TUT1: variants seen among roughly 807,000 people sequenced by gnomAD.
The protein encoded by TUT1 is terminal uridylyl transferase 1, U6 snRNA-specific, also known as speckle targeted PIP5K1A-regulated poly(A) polymerase.
Under a neutral mutation model 48.8 loss-of-function variants are expected in TUT1, and 26 were observed. The ratio of observed to expected loss-of-function variants is 0.53; its 90% CI spans 0.39 to 0.74. TUT1 has a LOEUF of 0.74. TUT1 is among the 30% of genes least tolerant of loss of function. The pLI, the probability that TUT1 is intolerant of heterozygous loss-of-function variation, is 0.00. For missense variants in TUT1, 1,065 were observed against 1,114.8 expected (o/e 0.96, Z 0.64); for synonymous variants, 470 against 460.8 (o/e 1.02, Z -0.26).
At chr11:62,586,784 C>A (rs1399449892) in intron 2 of TUT1, among the ~76,000 whole-genome samples, 1 of 147,112 alleles carries the variant, frequency 6.8e-6, no homozygotes, top group Non-Finnish European at 1.5e-5. Context: ...GGTGTGGTGG[C>A]ACGCGCCTGC....
At chr11:62,578,157 AAG>A (rs1941760792) in intron 5 of TUT1, among the ~76,000 whole-genome samples, 2 of 152,228 alleles carry the variant, frequency 1.3e-5, no homozygotes, top group Admixed American at 6.5e-5. Flanking sequence ...AAGGGACAGA[AAG>A]AGGGATGGTC....
chr11:62,579,106 C>T (rs1941782663), intron 4 of TUT1, 76 bp from the exon 5 acceptor site: 13 of 1,096,980 alleles, frequency 1.2e-5, no homozygotes, highest in Non-Finnish European at 3.7e-6. Context: ...ATATTACTTC[C>T]AGCTTATTCA....
At position 62,576,980 on chromosome 11, in the gene TUT1, C is replaced by T. The variant is rs149922509; in HGVS notation, c.1308G>A (p.Leu436=). The T allele has an allele frequency of 3.3e-5, 54 of 1,614,072 alleles. No individual in the cohort carries two copies. The East Asian group carries it at 1.2e-3, about 35-fold the overall frequency. ...TGGTCTGAAGAAAATAGATCACCAG[C>T]AAGGTCAGGGCGTAGTTACTGAGAA... ...GPLLSNYALT[L]LVIYFLQTRD... The change falls in exon 7 of 9, where the codon TTG becomes TTA. Residue 436 remains leucine (L), a synonymous_variant. Coordinates refer to ENST00000476907, the MANE Select transcript of TUT1 (RefSeq NM_022830.3).
intron 1 of TUT1, 150 bp from the exon 2 acceptor site, chr11:62,589,371 C>A: frequency 3.1e-6 from 2 of 639,836 alleles, no homozygotes; most frequent in South Asian, 4.4e-5. Flanking sequence ...TCACCTTCCT[C>A]TCTTATACAT....
At chr11:62,585,117 C>T (rs1303247059) in intron 2 of TUT1, among the ~76,000 whole-genome samples, 1 of 152,068 alleles carries the variant, frequency 6.6e-6, no homozygotes, top group Non-Finnish European at 1.5e-5. Context: ...CCACCTGGCC[C>T]GGCCACACCC....
At position 62,581,549 on chromosome 11, in the gene TUT1, C is replaced by T. The variant is rs755854069; in HGVS notation, c.426G>A (p.Ala142=). 14 of 1,613,326 alleles carry T rather than the reference C, an allele frequency of 8.7e-6. No homozygotes were observed. Among genetic ancestry groups the T allele is most frequent in the Admixed American group, 1.7e-5 (1 of 59,786 alleles). The change falls in exon 3 of 9, where the codon GCG becomes GCA. Residue 142 remains alanine (A), a synonymous_variant. Coordinates refer to ENST00000476907, the MANE Select transcript of TUT1 (RefSeq NM_022830.3). ...QSPASKSPKG[A]APDSHQLAKA... is the part of the protein sequence containing the mutation. ...TGGCCAGCTGGTGACTGTCGGGGGC[C>T]GCTCCTTTGGGGGATTTGGAGGCCG...
chr11:62,581,281 G>A (rs1026942114), intron 3 of TUT1, 75 bp from the exon 4 acceptor site: 2 of 1,569,768 alleles, frequency 1.3e-6, no homozygotes, highest in South Asian at 2.3e-5. Context: ...AGAGCACAAA[G>A]ATGGAAGAGC....
rs1466767339 is a variant in TUT1 at position 62,575,298 on chromosome 11, C to T, written c.2421G>A (p.Glu807=). 6.2e-7 allele frequency: 1 copy of T among 1,614,194 alleles called. No homozygotes were observed. The highest frequency in any genetic ancestry group is 8.5e-7 in the Non-Finnish European group (1 of 1,180,020). ...CTTTCAGCTCCTGGGTGACCTGAGC[C>T]TCAGTCGCCAGCCACCCTGCTCTTG... is the stretch of plus-strand genomic sequence containing the variant. ...AGTRAGWLAT[E]AQVTQELKGL... The change falls in exon 9 of 9, where the codon GAG becomes GAA. Residue 807 remains glutamate (E), a synonymous_variant. Coordinates refer to ENST00000476907, the MANE Select transcript of TUT1 (RefSeq NM_022830.3).
At position 62,576,044 on chromosome 11, in the gene TUT1, C is replaced by A; in HGVS notation, c.1675G>T (p.Val559Leu). The A allele has an allele frequency of 6.2e-7, 1 of 1,613,834 alleles. No homozygotes were observed. Among genetic ancestry groups the A allele is most frequent in the Non-Finnish European group, 8.5e-7 (1 of 1,180,032 alleles). The change falls in exon 9 of 9, where the codon GTG (valine) becomes TTG (leucine). Residue 559 changes from valine to leucine, a missense_variant. Val to Leu is a conservative substitution (Grantham distance 32). Coordinates refer to ENST00000476907, the MANE Select transcript of TUT1 (RefSeq NM_022830.3). Reference sequence around the variant, plus strand: ...CAGCAGTTCTGTAGGCGCCCAGCCACCCGGCTGGTCACATTGGCTGCGACA... The same window carrying A: ...CAGCAGTTCTGTAGGCGCCCAGCCAACCGGCTGGTCACATTGGCTGCGACA... ...HNVAANVTSR[V>L]AGRLQNCCRA...
chr11:62,581,054 A>G, intron 4 of TUT1, 52 bp downstream of exon 4: 1 of 1,438,488 alleles, frequency 7.0e-7, no homozygotes, highest in Non-Finnish European at 9.8e-7. Flanking sequence ...CCACAGTCAC[A>G]TGGCCATTCT....
At chr11:62,587,120 A>G (rs1171094042) in intron 2 of TUT1, among the ~76,000 whole-genome samples, 1 of 151,130 alleles carries the variant, frequency 6.6e-6, no homozygotes, top group Non-Finnish European at 1.5e-5. Context: ...AAGGAAAAAG[A>G]AAAGGCATTT....
At chr11:62,586,866 A>G (rs561986277) in intron 2 of TUT1, among the ~76,000 whole-genome samples, 11 of 148,364 alleles carry the variant, frequency 7.4e-5, no homozygotes, top group East Asian at 4.4e-4. Flanking sequence ...CACCACACCC[A>G]GCTAATTTTT....
At chr11:62,576,568 A>G (rs1941731663) in intron 8 of TUT1, 89 bp downstream of exon 8, 3 of 1,164,408 alleles carry the variant, frequency 2.6e-6, no homozygotes, top group Non-Finnish European at 2.5e-6. Flanking sequence ...TTCTGTGAGA[A>G]CCATGCCTGG....
In TUT1 at chr11:62,589,244, A is replaced by T. The variant is rs779677078; in HGVS notation, c.83-23T>A. On this transcript the variant is annotated intron_variant, in intron 1 of 8. Transcript: ENST00000476907. The stretch of plus-strand genomic sequence containing the variant: ...GTCCTGCAAAGACAAGTGTGAGACA[A>T]AAACATGCAAAGCACTCTTCGACGT... The T allele has an allele frequency of 1.5e-5, 24 of 1,611,326 alleles. No individual in the cohort carries two copies. The Admixed American group carries it at 3.8e-4, about 26-fold the overall frequency.
intron 5 of TUT1, 72 bp downstream of exon 5, chr11:62,578,489 G>C: frequency 7.1e-7 from 1 of 1,405,778 alleles, no homozygotes; most frequent in Non-Finnish European, 9.6e-7. Context: ...AGGTTGCAGA[G>C]AGCCAAGATG....
chr11:62,578,752 G>C lies in TUT1; in HGVS notation c.969C>G (p.Ala323=). The C allele has an allele frequency of 6.2e-7, 1 of 1,614,142 alleles. No individual in the cohort carries two copies. Among genetic ancestry groups the C allele is most frequent in the Non-Finnish European group, 8.5e-7 (1 of 1,180,028 alleles). ...EDREEGDLGK[A]SELAETPKEE... ...CCTTTGGGGTCTCTGCTAGTTCCGA[G>C]GCCTTCCCCAGGTCCCCCTCTTCCC... Residue 323 remains alanine, a synonymous_variant, in exon 5 of 9, where the codon GCC becomes GCG. Coordinates refer to ENST00000476907, the MANE Select transcript of TUT1 (RefSeq NM_022830.3).
chr11:62,577,366 CT>C (rs1353399431), intron 5 of TUT1, 75 bp from the exon 6 acceptor site: 1 of 1,171,602 alleles, frequency 8.5e-7, no homozygotes, highest in African/African-American at 1.6e-5. Flanking sequence ...TCATTCCAGA[CT>C]TGCATAACTG....
intron 4 of TUT1, among the ~76,000 whole-genome samples, chr11:62,579,480 T>C (rs1439615723): frequency 6.6e-6 from 1 of 152,168 alleles, no homozygotes; most frequent in Non-Finnish European, 1.5e-5. Flanking sequence ...TAAAGGAATG[T>C]GATACATGCA....
intron 2 of TUT1, among the ~76,000 whole-genome samples, chr11:62,583,220 A>G (rs1252737718): frequency 6.6e-6 from 1 of 152,068 alleles, no homozygotes; most frequent in African/African-American, 2.4e-5. Context: ...AGAACTCACT[A>G]TCTAGGAATA....
Sources: allele counts gnomAD v4.1 joint callset (sites outside exome capture counted in the v4.1 genomes callset), GRCh38; gene constraint gnomAD v4.1.1; transcripts MANE v1.5; gene names NCBI Gene and HGNC (gene_info 2026-07-23, HGNC 2026-07-21).